SLC4A5: variants seen among roughly 807,000 people sequenced by gnomAD.
SLC4A5 encodes solute carrier family 4 member 5, also known as electrogenic sodium bicarbonate cotransporter 4.
In SLC4A5, 96 loss-of-function variants were observed where a neutral mutation model predicts 120.4. That is an observed-to-expected ratio of 0.80 (90% confidence interval 0.68 to 0.94). The LOEUF (loss-of-function observed/expected upper bound fraction) is 0.94. SLC4A5 is among the 40% of genes least tolerant of loss of function. The pLI is 0.00. For synonymous variants in SLC4A5, 550 were observed against 571.1 expected (o/e 0.96, Z 0.53); for missense variants, 1,259 against 1,459.5 (o/e 0.86, Z 2.24).
chr2:74,331,409 T>C (rs1442925845), intron 4 of SLC4A5, among the ~76,000 whole-genome samples: 1 of 151,590 alleles, frequency 6.6e-6, no homozygotes, highest in Non-Finnish European at 1.5e-5. Flanking sequence ...TAGATAGAGG[T>C]GGCAAGGTGT....
intron 19 of SLC4A5, among the ~76,000 whole-genome samples, chr2:74,244,149 T>A (rs1039375491): frequency 6.9e-4 from 105 of 152,364 alleles, no homozygotes; most frequent in African/African-American, 2.4e-3. Flanking sequence ...TTCCTTTCCA[T>A]GTTATCTTAA....
At chr2:74,339,139 G>C (rs1673566862) in intron 2 of SLC4A5, 1 of 152,154 alleles carries the variant, frequency 6.6e-6, no homozygotes, top group Non-Finnish European at 1.5e-5. Flanking sequence ...AAGAAAGAAA[G>C]AAAAACAAGT....
chr2:74,315,113 T>G (rs927501916), intron 5 of SLC4A5, 88 bp from the exon 6 acceptor site: 25 of 1,109,370 alleles, frequency 2.3e-5, no homozygotes, highest in Admixed American at 8.6e-5. Flanking sequence ...ACAGTCATAA[T>G]GGGAGATTTT....
chr2:74,267,200 C>T (rs927379571), intron 8 of SLC4A5, among the ~76,000 whole-genome samples: 1 of 152,186 alleles, frequency 6.6e-6, no homozygotes, highest in African/African-American at 2.4e-5. Flanking sequence ...GGTGGCCTCT[C>T]ATCTGCTGCA....
At chr2:74,240,526 G>A (rs1242504762) in intron 20 of SLC4A5, among the ~76,000 whole-genome samples, 1 of 152,028 alleles carries the variant, frequency 6.6e-6, no homozygotes, top group East Asian at 1.9e-4. Context: ...TCAGAAATAG[G>A]CACTGACTGA....
intron 29 of SLC4A5, 96 bp from the exon 30 acceptor site, chr2:74,221,597 C>T: frequency 8.0e-7 from 1 of 1,253,036 alleles, no homozygotes; most frequent in South Asian, 1.2e-5. Context: ...CCTTCTCTAA[C>T]CCTAGAGCCA....
intron 5 of SLC4A5, among the ~76,000 whole-genome samples, chr2:74,319,946 T>C (rs2104312430): frequency 6.6e-6 from 1 of 152,278 alleles, no homozygotes; most frequent in East Asian, 1.9e-4. Context: ...AGACATTGTA[T>C]TCATGACGAC....
chr2:74,262,169 C>A (rs1437443045), exon 11 of SLC4A5: 1 of 1,613,776 alleles, frequency 6.2e-7, no homozygotes, highest in Non-Finnish European at 8.5e-7. Flanking sequence ...CTGCCGCATC[C>A]GCAGGTCTTC....
chr2:74,250,537 G>A lies in SLC4A5; in HGVS notation c.1479-20C>T. 1 of 1,613,668 alleles carries A rather than the reference G, an allele frequency of 6.2e-7. No homozygotes were observed. The highest frequency in any genetic ancestry group is 8.5e-7 in the Non-Finnish European group (1 of 1,179,776). ...AAGAACCTGCTCAAGACAGGCCCAG[G>A]GGCTGCTTTCTCACCACTAACACCA... On this transcript the variant is annotated intron_variant, in intron 16 of 30. Coordinates refer to ENST00000394019, the Ensembl canonical transcript of SLC4A5.
intron 6 of SLC4A5, among the ~76,000 whole-genome samples, chr2:74,305,356 A>G (rs1672609197): frequency 6.6e-6 from 1 of 152,312 alleles, no homozygotes; most frequent in South Asian, 2.1e-4. Flanking sequence ...TTTTAAAATA[A>G]TTAATAGATT....
At chr2:74,280,282 T>A (rs1252988210) in intron 8 of SLC4A5, among the ~76,000 whole-genome samples, 1 of 152,096 alleles carries the variant, frequency 6.6e-6, no homozygotes, top group Non-Finnish European at 1.5e-5. Context: ...CAGGTCTCAA[T>A]GTGAACATCT....
chr2:74,227,898 T>C lies in SLC4A5; in HGVS notation c.2848-20A>G, dbSNP rs759426986. 33 of 1,584,852 alleles carry C rather than the reference T, an allele frequency of 2.1e-5. No individual in the cohort carries two copies. Among genetic ancestry groups the C allele is most frequent in the Non-Finnish European group, 2.8e-5 (33 of 1,166,004 alleles). ...GATACACTAAAATGAGAGCAGAGCT[T>C]TGGATCGGCCTCTGCCTGGGGCGGC... On this transcript the variant is annotated intron_variant, in intron 25 of 30. Transcript: ENST00000394019.
intron 17 of SLC4A5, 77 bp downstream of exon 17, chr2:74,250,266 T>C (rs1670747620): frequency 2.7e-6 from 4 of 1,508,618 alleles, no homozygotes; most frequent in Admixed American, 4.0e-5. Context: ...GTTTTGGGAT[T>C]ACAGGATGAA....
intron 5 of SLC4A5, among the ~76,000 whole-genome samples, chr2:74,318,370 C>T (rs545681089): frequency 2.4e-4 from 37 of 152,270 alleles, no homozygotes; most frequent in African/African-American, 8.2e-4. Context: ...TACCATCTTA[C>T]ACCAGCCAGA....
intron 12 of SLC4A5, among the ~76,000 whole-genome samples, chr2:74,257,588 ATTTGT>A (rs1436642109): frequency 6.6e-6 from 1 of 151,820 alleles, no homozygotes; most frequent in African/African-American, 2.4e-5. Flanking sequence ...TGTTGTTTTG[ATTTGT>A]TTTGAGACAA....
chr2:74,224,436 A>C (rs1469807936), intron 28 of SLC4A5, among the ~76,000 whole-genome samples: 2 of 152,102 alleles, frequency 1.3e-5, no homozygotes, highest in Non-Finnish European at 2.9e-5. Context: ...CAGTCTACTT[A>C]TAAGGCCCCA....
chr2:74,324,513 T>C (rs1673173006), intron 5 of SLC4A5, among the ~76,000 whole-genome samples: 2 of 152,316 alleles, frequency 1.3e-5, no homozygotes, highest in Admixed American at 6.5e-5. Flanking sequence ...TTCCAACAAG[T>C]TCCCAGTTGC....
At chr2:74,289,736 T>G (rs917966641) in intron 7 of SLC4A5, among the ~76,000 whole-genome samples, 1 of 152,198 alleles carries the variant, frequency 6.6e-6, no homozygotes, top group Non-Finnish European at 1.5e-5. Flanking sequence ...AATAACCTTA[T>G]TTTTTCTTAA....
intron 4 of SLC4A5, among the ~76,000 whole-genome samples, chr2:74,332,832 T>C (rs1215036746): frequency 1.3e-5 from 2 of 152,076 alleles, no homozygotes; most frequent in Non-Finnish European, 2.9e-5. Flanking sequence ...CCCTTCCCTG[T>C]GGTTTAGTTT....
Sources: gnomAD v4.1 joint callset for allele counts (sites outside exome capture counted in the v4.1 genomes callset) on GRCh38, gnomAD v4.1.1 for gene constraint, MANE v1.5 for transcripts, NCBI Gene and HGNC (gene_info 2026-07-23, HGNC 2026-07-21) for gene names.